MYOM1: variants seen among roughly 807,000 people sequenced by gnomAD.
MYOM1 encodes myomesin-1.
A neutral mutation model predicts 205.3 loss-of-function variants in MYOM1; 164 were observed. That is an observed-to-expected ratio of 0.80 (90% CI 0.70 to 0.91). The LOEUF is 0.91. MYOM1 is among the 40% of genes least tolerant of loss of function. MYOM1 has a pLI of 0.00. For synonymous variants in MYOM1, 772 were observed against 789.4 expected (o/e 0.98, Z 0.37); for missense variants, 2,011 against 2,127.3 (o/e 0.95, Z 1.08).
chr18:3,076,294 C>T (rs1472457802), intron 34 of MYOM1, among the ~76,000 whole-genome samples: 2 of 152,116 alleles, frequency 1.3e-5, no homozygotes, highest in Non-Finnish European at 2.9e-5. Flanking sequence ...TCTCAAACTC[C>T]TGACCTTAAG....
intron 22 of MYOM1, among the ~76,000 whole-genome samples, chr18:3,105,818 G>C (rs945280685): frequency 6.6e-6 from 1 of 152,162 alleles, no homozygotes; most frequent in Non-Finnish European, 1.5e-5. Flanking sequence ...TCACACCACT[G>C]CAGTCCAGCC....
In MYOM1 at chr18:3,079,337, G is replaced by A. The variant is rs774408454; in HGVS notation, c.4490C>T (p.Ser1497Phe). Residue 1497 changes from serine to phenylalanine, a missense_variant, in exon 34 of 38, where the codon TCC becomes TTC. By Grantham distance (155) the Ser-to-Phe change is radical. Transcript: ENST00000356443. ...AACTCTGTCTGAGTACCTAATGGCG[G>A]ACCCACTGTGAAAATCGAAGAAAAC... is the stretch of plus-strand genomic sequence containing the variant. Reference protein sequence around the residue: ...DLKVNWSHNGSAIRYSDRVKT... With the variant: ...DLKVNWSHNGFAIRYSDRVKT... The A allele has an allele frequency of 6.2e-7, 1 of 1,604,210 alleles. No individual in the cohort carries two copies. The highest frequency in any genetic ancestry group is 1.1e-5 in the South Asian group (1 of 90,294).
intron 31 of MYOM1, among the ~76,000 whole-genome samples, chr18:3,084,415 T>C (rs1051499099): frequency 6.6e-6 from 1 of 152,216 alleles, no homozygotes; most frequent in African/African-American, 2.4e-5. Flanking sequence ...ATTAACCATG[T>C]AGGTCTCCTG....
At position 3,215,064 on chromosome 18, in the gene MYOM1, G is replaced by A. The variant is rs1157851454; in HGVS notation, c.160C>T (p.His54Tyr). ...TAYSSRSSAA[H>Y]RRESEAFRRA... ...CGGAAGGCCTCGGACTCCCGGCGGTGCGCGGCGGAGGAGCGGCTGCTGTAG... is the reference window on the plus strand; with the variant it reads ...CGGAAGGCCTCGGACTCCCGGCGGTACGCGGCGGAGGAGCGGCTGCTGTAG... The change falls in exon 2 of 38, where the codon CAC becomes TAC. Residue 54 changes from histidine (H) to tyrosine (Y), a missense_variant. Transcript: ENST00000356443. The A allele has an allele frequency of 6.2e-7, 1 of 1,613,522 alleles. No individual in the cohort carries two copies.
rs1209229669 is a variant in MYOM1, at chr18:3,067,622, T to G, written c.4765-67A>C. 4 of 1,533,242 alleles carry G rather than the reference T, an allele frequency of 2.6e-6. No homozygotes were observed. The East Asian group carries it at 9.1e-5, about 35-fold the overall frequency. 95.0% of individuals were successfully genotyped at this position (1,533,242 alleles called of 1,614,324 possible). On this transcript the variant is annotated intron_variant, in intron 37 of 37. Transcript: ENST00000356443. ...TGTAATAGACACACTGTCAACAATCTTGCCGGCTGGTGGCTTGGCATGACC... is the reference window on the plus strand; with the variant it reads ...TGTAATAGACACACTGTCAACAATCGTGCCGGCTGGTGGCTTGGCATGACC...
chr18:3,207,230 A>C (rs1023097964), intron 2 of MYOM1, among the ~76,000 whole-genome samples: 1 of 152,170 alleles, frequency 6.6e-6, no homozygotes, highest in Admixed American at 6.5e-5. Flanking sequence ...AGAGAATTAA[A>C]TCTCTTATGG....
rs765962328 is a variant in MYOM1, at chr18:3,067,519, G to A, written c.4801C>T (p.Pro1601Ser). Residue 1601 changes from proline (P) to serine (S), a missense_variant, in exon 38 of 38, where the codon CCT becomes TCT. Pro to Ser is a moderately conservative substitution (Grantham distance 74, BLOSUM62 -1). Coordinates refer to ENST00000356443, the MANE Select transcript of MYOM1 (RefSeq NM_003803.4). Reference protein sequence around the residue: ...NLTCNVWGDPPPEVSWLKNEK... With the variant: ...NLTCNVWGDPSPEVSWLKNEK... ...TTCTTCAACCACGACACCTCCGGAG[G>A]CGGGTCTCCCCACACGTTGCAAGTG... 9.3e-6 allele frequency: 15 copies of A among 1,613,686 alleles called. No homozygotes were observed. The South Asian group carries it at 1.6e-4, about 18-fold the overall frequency.
chr18:3,138,867 T>C (rs144838230), intron 14 of MYOM1, among the ~76,000 whole-genome samples: 8 of 152,302 alleles, frequency 5.3e-5, no homozygotes, highest in African/African-American at 1.7e-4. Flanking sequence ...AGTGTAATAG[T>C]TGGATTTACG....
At chr18:3,134,887 T>C (rs995539508) in intron 15 of MYOM1, 63 bp from the exon 16 acceptor site, 5 of 1,510,564 alleles carry the variant, frequency 3.3e-6, no homozygotes, top group African/African-American at 2.7e-5. Context: ...TTATCATCTA[T>C]GCACAAACAC....
chr18:3,239,678 C>T, the MYOM1 span, among the ~76,000 whole-genome samples: 3 of 149,606 alleles, frequency 2.0e-5, no homozygotes, highest in Non-Finnish European at 4.4e-5. Flanking sequence ...ACTGATTGAC[C>T]CTTAGGAGGC....
At chr18:3,142,421 C>T (rs2080064107) in intron 13 of MYOM1, among the ~76,000 whole-genome samples, 1 of 151,984 alleles carries the variant, frequency 6.6e-6, no homozygotes, top group South Asian at 2.1e-4. Context: ...ACCACCACAC[C>T]TACATAATTC....
intron 2 of MYOM1, among the ~76,000 whole-genome samples, chr18:3,197,575 A>T (rs559608111): frequency 2.5e-4 from 38 of 152,142 alleles, no homozygotes; most frequent in Admixed American, 5.9e-4. Context: ...GATTTTTTTT[A>T]AAAAAAGAAG....
chr18:3,124,550 C>G (rs533474732), intron 19 of MYOM1, among the ~76,000 whole-genome samples: 2 of 151,474 alleles, frequency 1.3e-5, no homozygotes, highest in Non-Finnish European at 2.9e-5. Context: ...AGGATAGTCT[C>G]GATCTCCTGA....
chr18:3,112,491 T>C (rs1392194202), intron 21 of MYOM1, 79 bp from the exon 22 acceptor site: 53 of 1,083,010 alleles, frequency 4.9e-5, no homozygotes, highest in Non-Finnish European at 6.7e-5. Flanking sequence ...GACGGGGCTC[T>C]TCCTCTGTAG....
In MYOM1 at chr18:3,100,199, C is replaced by A. The variant is rs1278771543; in HGVS notation, c.3687G>T (p.Leu1229Phe). Residue 1229 changes from leucine (L) to phenylalanine (F), a missense_variant, in exon 25 of 38, where the codon TTG (leucine) becomes TTT (phenylalanine). Leu to Phe is a conservative substitution (Grantham distance 22). Transcript: ENST00000356443. ...ASSYLIDEEE[L>F]KRLLALSHEH... ...CATGGCTGAGAGCAAGTAAACGTTT[C>A]AATTCTGTAGGGGGAAAAAGAAGGC... The A allele has an allele frequency of 6.2e-7, 1 of 1,613,866 alleles. No homozygotes were observed. Among genetic ancestry groups the A allele is most frequent in the Non-Finnish European group, 8.5e-7 (1 of 1,179,864 alleles).
At chr18:3,234,152 A>G in the MYOM1 span, among the ~76,000 whole-genome samples, 1 of 152,234 alleles carries the variant, frequency 6.6e-6, no homozygotes, top group African/African-American at 2.4e-5. Flanking sequence ...CACTTTGCAG[A>G]GAGCTTGGCT....
In MYOM1 at chr18:3,071,862, G is replaced by T; in HGVS notation, c.4736C>A (p.Pro1579Gln). 6.2e-6 allele frequency: 10 copies of T among 1,605,512 alleles called. No individual in the cohort carries two copies. Among genetic ancestry groups the T allele is most frequent in the Non-Finnish European group, 8.5e-6 (10 of 1,176,072 alleles). ...KNRARVLGGL[P>Q]DVVTIQEGKA... Reference sequence around the variant, plus strand: ...CCCCTCCTGGATGGTGACCACGTCTGGGAGACCTCCCAACACCCGGGCACG... The same window carrying T: ...CCCCTCCTGGATGGTGACCACGTCTTGGAGACCTCCCAACACCCGGGCACG... The change falls in exon 37 of 38, where the codon CCA becomes CAA. Residue 1579 changes from proline to glutamine, a missense_variant. By Grantham distance (76) the Pro-to-Gln change is moderately conservative. Coordinates refer to ENST00000356443, the MANE Select transcript of MYOM1 (RefSeq NM_003803.4).
intron 18 of MYOM1, among the ~76,000 whole-genome samples, 194 bp downstream of exon 18, chr18:3,129,038 C>G (rs2079835831): frequency 6.6e-6 from 1 of 152,196 alleles, no homozygotes; most frequent in Admixed American, 6.5e-5. Context: ...ATGATGTGTA[C>G]AAGCCAAACC....
chr18:3,079,321 T>C lies in MYOM1; in HGVS notation c.4506A>G (p.Ser1502=). The change falls in exon 34 of 38, where the codon TCA becomes TCG. Residue 1502 remains serine, a synonymous_variant. Transcript: ENST00000356443. ...WSHNGSAIRY[S]DRVKTGVTGE... The stretch of plus-strand genomic sequence containing the variant: ...CAGTGACCCCGGTCTTAACTCTGTC[T>C]GAGTACCTAATGGCGGACCCACTGT... 1.2e-6 allele frequency: 2 copies of C among 1,613,324 alleles called. No individual in the cohort carries two copies. The highest frequency in any genetic ancestry group is 1.7e-6 in the Non-Finnish European group (2 of 1,179,332).
Sources: gnomAD v4.1 joint callset for allele counts (sites outside exome capture counted in the v4.1 genomes callset) on GRCh38, gnomAD v4.1.1 for gene constraint, MANE v1.5 for transcripts, NCBI Gene and HGNC (gene_info 2026-07-23, HGNC 2026-07-21) for gene names.